The following TSHR variants were observed in gnomAD, a reference collection of about 807,000 sequenced individuals.
The protein encoded by TSHR is thyrotropin receptor.
In TSHR, 51 loss-of-function variants were observed where a neutral mutation model predicts 64.1. The ratio of observed to expected loss-of-function variants is 0.80; its 90% CI spans 0.64 to 1.01. The LOEUF is 1.01. Among genes scored for constraint, TSHR ranks in the 50% least tolerant of loss-of-function variants. TSHR has a pLI of 0.00. For missense variants in TSHR, 877 were observed against 942.8 expected, an observed-to-expected ratio of 0.93 and a Z score of 0.91; for synonymous variants, 361 against 361.9, an observed-to-expected ratio of 1.00 and a Z score of 0.03.
chr14:80,956,060 C>T lies in TSHR; in HGVS notation c.170+210C>T, dbSNP rs1886659752. 6.3e-6 allele frequency: 4 copies of T among 633,178 alleles called. No individual in the cohort carries two copies. In the South Asian group the frequency reaches 7.3e-5, roughly 12 times the overall value. The allele number at this position is 633,178 out of a possible 1,614,324, so 39.2% of individuals were successfully genotyped here. ...AGGTATCATTGTTGACATCCTCATTCCCAACACAGGAAAATGTTACAAAAC... is the reference window on the plus strand; with the variant it reads ...AGGTATCATTGTTGACATCCTCATTTCCAACACAGGAAAATGTTACAAAAC... On this transcript the variant is annotated intron_variant, in intron 1 of 9. Coordinates refer to ENST00000298171, the MANE Select transcript of TSHR (RefSeq NM_000369.5).
intron 1 of TSHR, chr14:80,958,256 T>C (rs571042207): frequency 6.6e-6 from 1 of 152,294 alleles, no homozygotes; most frequent in South Asian, 2.1e-4. Context: ...AAGTAGGTGA[T>C]GTTATTATGC....
intron 1 of TSHR, among the ~76,000 whole-genome samples, chr14:80,986,243 T>G (rs943571043): frequency 1.3e-5 from 2 of 152,186 alleles, no homozygotes; most frequent in African/African-American, 4.8e-5. Context: ...AGATTATTCA[T>G]TGCCCAGATA....
At chr14:80,964,864 T>C (rs142636014) in intron 1 of TSHR, among the ~76,000 whole-genome samples, 9 of 152,362 alleles carry the variant, frequency 5.9e-5, no homozygotes, top group East Asian at 1.9e-4. Flanking sequence ...TAGTTACTAC[T>C]TGAGACTGTC....
At chr14:81,055,629 A>G (rs1251144337) in intron 1 of TSHR, among the ~76,000 whole-genome samples, 1 of 152,218 alleles carries the variant, frequency 6.6e-6, no homozygotes, top group African/African-American at 2.4e-5. Flanking sequence ...GATGTGAGAC[A>G]TGGAGTCAAA....
At chr14:80,971,944 G>C (rs551000995) in intron 1 of TSHR, among the ~76,000 whole-genome samples, 4 of 152,100 alleles carry the variant, frequency 2.6e-5, no homozygotes, top group Non-Finnish European at 5.9e-5. Flanking sequence ...TGAATTCCTG[G>C]TTCCTGAGAC....
Position 81,080,770 on chromosome 14 carries a change from T to C in TSHR, c.318-7184T>C, listed in dbSNP as rs150964968. 2.5e-3 allele frequency among the ~76,000 whole-genome samples: 388 copies of C among 152,336 alleles called. 7 individuals carry two copies. In the Middle Eastern group the frequency reaches 0.027, roughly 11 times the overall value. On this transcript the variant is annotated intron_variant, in intron 3 of 9. Coordinates refer to ENST00000298171, the MANE Select transcript of TSHR (RefSeq NM_000369.5). Reference sequence around the variant, plus strand: ...TAATTTATTCTGTGAACTTTCATATTATAGATTAATATGAAAAGTAAGTGC... The same window carrying C: ...TAATTTATTCTGTGAACTTTCATATCATAGATTAATATGAAAAGTAAGTGC...
At chr14:81,140,505 A>C (rs998411859) in intron 9 of TSHR, among the ~76,000 whole-genome samples, 1 of 152,206 alleles carries the variant, frequency 6.6e-6, no homozygotes, top group African/African-American at 2.4e-5. Context: ...AATGGCCTGG[A>C]ATATTATAAG....
At chr14:80,972,663 C>T (rs1054624133) in intron 1 of TSHR, among the ~76,000 whole-genome samples, 8 of 152,162 alleles carry the variant, frequency 5.3e-5, no homozygotes, top group African/African-American at 1.9e-4. Flanking sequence ...CATTCAGTGG[C>T]ATTTAGTACA....
chr14:81,146,182 T>C lies in TSHR; in HGVS notation c.*1829T>C, dbSNP rs1891920705. On this transcript the variant is annotated 3_prime_UTR_variant, in exon 10 of 10. Transcript: ENST00000298171. ...ACATCTTGATAAATAATGTGTTTCA[T>C]CTTGAATAGCTGAACTAATTGCTTT... 2 of 223,244 alleles carry C rather than the reference T, an allele frequency of 9.0e-6. No homozygotes were observed. Among genetic ancestry groups the C allele is most frequent in the Non-Finnish European group, 8.9e-6 (1 of 111,904 alleles). 13.8% of individuals were successfully genotyped at this position (223,244 alleles called of 1,614,324 possible).
At chr14:81,096,750 C>A (rs367788238) in intron 7 of TSHR, 43 bp downstream of exon 7, 4 of 1,597,760 alleles carry the variant, frequency 2.5e-6, no homozygotes, top group South Asian at 1.1e-5. Flanking sequence ...TTCCCTTACC[C>A]TAAGAACCAT....
At chr14:81,066,857 G>A (rs1177580780) in intron 2 of TSHR, among the ~76,000 whole-genome samples, 1 of 152,102 alleles carries the variant, frequency 6.6e-6, no homozygotes, top group Non-Finnish European at 1.5e-5. Context: ...TCTGTCAATT[G>A]TTCATTTTCC....
At position 81,144,261 on chromosome 14, in the gene TSHR, A is replaced by G. The variant is rs747999990; in HGVS notation, c.2203A>G (p.Met735Val). 5 of 1,614,038 alleles carry G rather than the reference A, an allele frequency of 3.1e-6. No homozygotes were observed. The highest frequency in any genetic ancestry group is 1.7e-5 in the Admixed American group (1 of 59,998). ...CGAGATGAGGCAGGGTCTCCACAAC[A>G]TGGAAGATGTCTATGAACTGATTGA... ...THEMRQGLHNMEDVYELIENS... is the reference protein window; with the variant it reads ...THEMRQGLHNVEDVYELIENS... Residue 735 changes from methionine (M) to valine (V), a missense_variant, in exon 10 of 10, where the codon ATG becomes GTG. Transcript: ENST00000298171.
chr14:81,067,852 G>A (rs529146218), intron 2 of TSHR, among the ~76,000 whole-genome samples: 6 of 144,534 alleles, frequency 4.2e-5, no homozygotes, highest in South Asian at 2.1e-4. Flanking sequence ...CTAGTAACAC[G>A]GAATTAGACA....
chr14:81,056,220 G>A (rs1885787104), intron 1 of TSHR, among the ~76,000 whole-genome samples: 2 of 152,092 alleles, frequency 1.3e-5, no homozygotes, highest in Non-Finnish European at 2.9e-5. Flanking sequence ...CCATGATTAT[G>A]AGGCTTCCTT....
At chr14:81,017,565 T>C (rs1359754786) in intron 1 of TSHR, among the ~76,000 whole-genome samples, 1 of 152,084 alleles carries the variant, frequency 6.6e-6, no homozygotes, top group Non-Finnish European at 1.5e-5. Context: ...CTGTTAAAAA[T>C]TTAAGTTCCC....
At chr14:81,102,789 A>C (rs747438265) in intron 7 of TSHR, 194 of 985,276 alleles carry the variant, frequency 2.0e-4, no homozygotes, top group Non-Finnish European at 2.3e-4. Context: ...GAGGATGACC[A>C]TTGTGTGGCG....
At chr14:81,092,874 C>T (rs1194033986) in intron 6 of TSHR, among the ~76,000 whole-genome samples, 2 of 152,140 alleles carry the variant, frequency 1.3e-5, no homozygotes, top group South Asian at 4.2e-4. Flanking sequence ...CATTACAGAC[C>T]ATGCAACCTC....
At chr14:81,009,770 C>G (rs1162627738) in intron 1 of TSHR, among the ~76,000 whole-genome samples, 1 of 151,848 alleles carries the variant, frequency 6.6e-6, no homozygotes, top group Non-Finnish European at 1.5e-5. Flanking sequence ...ATTTGTTTAT[C>G]CATTTCCCCT....
intron 1 of TSHR, among the ~76,000 whole-genome samples, chr14:81,021,195 T>C (rs1035904630): frequency 6.6e-6 from 1 of 152,158 alleles, no homozygotes; most frequent in African/African-American, 2.4e-5. Context: ...TTGTCTTCCA[T>C]GAAACTGGTC....
Sources: gnomAD v4.1 joint callset for allele counts (sites outside exome capture counted in the v4.1 genomes callset) on GRCh38, gnomAD v4.1.1 for gene constraint, MANE v1.5 for transcripts, NCBI Gene and HGNC (gene_info 2026-07-23, HGNC 2026-07-21) for gene names.